Variants in HCN1 observed in about 807,000 individuals in gnomAD.
The protein encoded by HCN1 is hyperpolarization activated cyclic nucleotide gated potassium channel 1.
In HCN1, 13 loss-of-function variants were observed where a neutral mutation model predicts 78.9. The ratio of observed to expected loss-of-function variants is 0.16; its 90% CI spans 0.11 to 0.26. The LOEUF (loss-of-function observed/expected upper bound fraction) is 0.26. Among genes scored for constraint, HCN1 ranks in the 10% least tolerant of loss-of-function variants. The pLI is 1.00. For missense variants in HCN1, 810 were observed against 1,154.3 expected (o/e 0.70, Z 4.32); for synonymous variants, 552 against 455.5 (o/e 1.21, Z -2.70).
At position 45,645,560 on chromosome 5, in the gene HCN1, G is replaced by A; in HGVS notation, c.474C>T (p.Val158=). 1 of 1,609,486 alleles carries A rather than the reference G, an allele frequency of 6.2e-7. No individual in the cohort carries two copies. The highest frequency in any genetic ancestry group is 8.5e-7 in the Non-Finnish European group (1 of 1,177,848). Residue 158 remains valine, a synonymous_variant, in exon 2 of 8, where the codon GTC becomes GTT. Transcript: ENST00000303230. ...IMLIMMVGNL[V]IIPVGITFFT... ...AGAATGTGATTCCAACTGGTATGAT[G>A]ACTAGATTTCCAACCATCATTATAA...
chr5:45,631,135 A>G (rs1345929816), intron 2 of HCN1, among the ~76,000 whole-genome samples: 2 of 152,158 alleles, frequency 1.3e-5, no homozygotes, highest in Admixed American at 1.3e-4. Flanking sequence ...TAAGTTAGTC[A>G]CAGGCCTACT....
intron 5 of HCN1, among the ~76,000 whole-genome samples, chr5:45,321,109 C>T (rs1746117856): frequency 6.6e-6 from 1 of 151,674 alleles, no homozygotes; most frequent in South Asian, 2.1e-4. Context: ...CCCTTTATAC[C>T]TTCCTTTCAA....
At chr5:45,511,573 A>G (rs1285484760) in intron 2 of HCN1, among the ~76,000 whole-genome samples, 1 of 152,118 alleles carries the variant, frequency 6.6e-6, no homozygotes, top group African/African-American at 2.4e-5. Context: ...CCAAAGACTT[A>G]CAACCCCTTT....
intron 2 of HCN1, among the ~76,000 whole-genome samples, chr5:45,569,460 G>C (rs954502350): frequency 1.1e-4 from 17 of 152,076 alleles, no homozygotes; most frequent in Non-Finnish European, 1.9e-4. Context: ...CTGAAAGTTT[G>C]TTTGATATTT....
intron 2 of HCN1, among the ~76,000 whole-genome samples, chr5:45,524,765 G>A (rs372880147): frequency 1.6e-4 from 24 of 152,024 alleles, no homozygotes; most frequent in African/African-American, 5.6e-4. Context: ...GGGCTGAGAC[G>A]ATGGGGTTTT....
intron 2 of HCN1, among the ~76,000 whole-genome samples, chr5:45,579,810 C>T (rs1191391353): frequency 1.3e-5 from 2 of 151,970 alleles, no homozygotes; most frequent in African/African-American, 4.8e-5. Context: ...TGGTCTTTGT[C>T]TTTTGTTTCT....
intron 3 of HCN1, among the ~76,000 whole-genome samples, chr5:45,414,077 T>C (rs1182563487): frequency 6.6e-6 from 1 of 151,950 alleles, no homozygotes; most frequent in Non-Finnish European, 1.5e-5. Flanking sequence ...GAACAACAGT[T>C]TCAGAAAGCA....
At chr5:45,531,055 CAT>C (rs1339282307) in intron 2 of HCN1, among the ~76,000 whole-genome samples, 123 of 149,432 alleles carry the variant, frequency 8.2e-4, no homozygotes, top group Admixed American at 1.5e-3. Flanking sequence ...TGCTAACACA[CAT>C]ACACACACAC....
At chr5:45,348,387 G>A (rs926658570) in intron 5 of HCN1, among the ~76,000 whole-genome samples, 4 of 152,088 alleles carry the variant, frequency 2.6e-5, no homozygotes, top group Non-Finnish European at 5.9e-5. Context: ...GGAAAGGAAC[G>A]ACCGGTACCA....
chr5:45,379,091 T>C (rs927831888), intron 4 of HCN1, among the ~76,000 whole-genome samples: 3 of 152,270 alleles, frequency 2.0e-5, no homozygotes, highest in South Asian at 2.1e-4. Context: ...TGCGTGTGCA[T>C]GTGTCTTTAT....
chr5:45,477,384 A>C (rs1741542829), intron 2 of HCN1, among the ~76,000 whole-genome samples: 1 of 152,130 alleles, frequency 6.6e-6, no homozygotes, highest in African/African-American at 2.4e-5. Flanking sequence ...AAACTAAAGT[A>C]CCTAAAAATG....
chr5:45,585,712 G>A (rs1744202376), intron 2 of HCN1, among the ~76,000 whole-genome samples: 1 of 152,104 alleles, frequency 6.6e-6, no homozygotes, highest in Non-Finnish European at 1.5e-5. Context: ...TGGTGTGGAT[G>A]TCCTTTCTAT....
At position 45,621,810 on chromosome 5, in the gene HCN1, A is replaced by T. The variant is rs554816348; in HGVS notation, c.849+23375T>A. On this transcript the variant is annotated intron_variant, in intron 2 of 7. Coordinates refer to ENST00000303230, the MANE Select transcript of HCN1 (RefSeq NM_021072.4). ...GAATCAAAATACATTATTTGGCAAT[A>T]TAAGTGGATTTTTTAATAAATAGTT... Among the ~76,000 whole-genome samples, 4 of 152,358 alleles carry T rather than the reference A, an allele frequency of 2.6e-5. No homozygotes were observed. In the East Asian group the frequency reaches 7.7e-4, roughly 29 times the overall value.
intron 2 of HCN1, chr5:45,558,519 T>A (rs1490004293): frequency 5.3e-5 from 8 of 152,110 alleles, no homozygotes; most frequent in African/African-American, 1.7e-4. Flanking sequence ...TAAATTGAAA[T>A]ATTGGAAAAA....
chr5:45,494,700 C>A (rs1053880663), intron 2 of HCN1, among the ~76,000 whole-genome samples: 1 of 151,934 alleles, frequency 6.6e-6, no homozygotes, highest in Non-Finnish European at 1.5e-5. Context: ...ATGGTAATGC[C>A]TAGGTTTTCT....
At chr5:45,690,698 CTTT>C (rs1739894058) in intron 1 of HCN1, among the ~76,000 whole-genome samples, 1 of 151,752 alleles carries the variant, frequency 6.6e-6, no homozygotes, top group Non-Finnish European at 1.5e-5. Context: ...AGACTTTTTT[CTTT>C]ATTATCACTA....
At chr5:45,498,294 CT>C (rs1265878366) in intron 2 of HCN1, among the ~76,000 whole-genome samples, 1 of 152,074 alleles carries the variant, frequency 6.6e-6, no homozygotes, top group Admixed American at 6.6e-5. Flanking sequence ...TCTTTTTATT[CT>C]TTTTTCTCTA....
rs201319054 is a variant in HCN1, at chr5:45,448,375, G to T, written c.1011+13471C>A. 7.9e-5 allele frequency among the ~76,000 whole-genome samples: 12 copies of T among 152,210 alleles called. No homozygotes were observed. The East Asian group carries it at 2.3e-3, about 29-fold the overall frequency. On this transcript the variant is annotated intron_variant, in intron 3 of 7. Coordinates refer to ENST00000303230, the MANE Select transcript of HCN1 (RefSeq NM_021072.4). Reference sequence around the variant, plus strand: ...TTTAAAATATTTCACCTTGACAGAAGACATTATTAAACAAGAAGAAAAGTA... The same window carrying T: ...TTTAAAATATTTCACCTTGACAGAATACATTATTAAACAAGAAGAAAAGTA...
intron 2 of HCN1, among the ~76,000 whole-genome samples, chr5:45,522,388 A>G (rs1270683954): frequency 6.6e-6 from 1 of 152,040 alleles, no homozygotes; most frequent in African/African-American, 2.4e-5. Flanking sequence ...TTTGAATTAA[A>G]TTATGCATTG....
Sources: allele counts gnomAD v4.1 joint callset (sites outside exome capture counted in the v4.1 genomes callset), GRCh38; gene constraint gnomAD v4.1.1; transcripts MANE v1.5; gene names NCBI Gene and HGNC (gene_info 2026-07-23, HGNC 2026-07-21).